The following DESI1 variants were observed in gnomAD, a reference collection of about 807,000 sequenced individuals.
The protein encoded by DESI1 is desumoylating isopeptidase 1.
A neutral mutation model predicts 22.4 loss-of-function variants in DESI1; 17 were observed. That is an observed-to-expected ratio of 0.76 (90% CI 0.52 to 1.14). The LOEUF (loss-of-function observed/expected upper bound fraction) is 1.14, where lower values mean the gene tolerates loss of function less well. DESI1 is among the 50% of genes most tolerant of loss of function. DESI1 has a pLI of 0.00. For synonymous variants in DESI1, 92 were observed against 84.2 expected (o/e 1.09, Z -0.51); for missense variants, 177 against 208.9 (o/e 0.85, Z 0.94).
intron 5 of DESI1, chr22:41,602,588 G>T (rs1032992378): frequency 1.0e-6 from 1 of 985,450 alleles, no homozygotes; most frequent in African/African-American, 1.7e-5. Flanking sequence ...AAATAGACAT[G>T]GTCCTGGAAT....
At position 41,620,863 on chromosome 22, in the gene DESI1, AC is replaced by A; in HGVS notation, c.-25del. 1 of 1,593,208 alleles carries A rather than the reference AC, an allele frequency of 6.3e-7. No individual in the cohort carries two copies. Among genetic ancestry groups the A allele is most frequent in the South Asian group, 1.1e-5 (1 of 88,686 alleles). ...ATTGGGACCCGTGGCGACGGCGGCC[AC>A]GACGGCCCTCGGGCACCCGGCAGCG... On this transcript the variant is annotated 5_prime_UTR_variant, in exon 1 of 6. Transcript: ENST00000263256.
In DESI1 at chr22:41,600,617, A is replaced by G. The variant is rs1477244881; in HGVS notation, c.*480T>C. The G allele has an allele frequency of 6.3e-6, 1 of 159,938 alleles. No individual in the cohort carries two copies. Among genetic ancestry groups the G allele is most frequent in the African/African-American group, 2.4e-5 (1 of 41,458 alleles). 9.9% of individuals were successfully genotyped at this position (159,938 alleles called of 1,614,324 possible). A position where few individuals can be genotyped will look rare whatever the true frequency, so the allele number is the denominator to read the frequency against. On this transcript the variant is annotated 3_prime_UTR_variant, in exon 6 of 6. Coordinates refer to ENST00000263256, the MANE Select transcript of DESI1 (RefSeq NM_015704.3). ...ACTTAGGTTAGGTTAGTCATCCTGA[A>G]ACCGGTCCCATGTACACCAAATCCT...
Position 41,601,113 on chromosome 22 carries a change from G to A in DESI1, c.491C>T (p.Pro164Leu), listed in dbSNP as rs1303680727. The A allele has an allele frequency of 1.9e-6, 3 of 1,613,270 alleles. No individual in the cohort carries two copies. Among genetic ancestry groups the A allele is most frequent in the Non-Finnish European group, 2.5e-6 (3 of 1,179,792 alleles). ...GCAGTCCTGTTAGCTCTGGCCGTTGGGTCTGCCCACGGAGCTCCCTCCTGG... is the reference window on the plus strand; with the variant it reads ...GCAGTCCTGTTAGCTCTGGCCGTTGAGTCTGCCCACGGAGCTCCCTCCTGG... ...QPPGGSSVGR[P>L]NGQS The change falls in exon 6 of 6, where the codon CCC (proline) becomes CTC (leucine). Residue 164 changes from proline to leucine, a missense_variant. Coordinates refer to ENST00000263256, the MANE Select transcript of DESI1 (RefSeq NM_015704.3).
Position 41,603,445 on chromosome 22 carries a change from C to A in DESI1, c.291-64G>T, listed in dbSNP as rs1240688823. 1.9e-6 allele frequency: 3 copies of A among 1,607,866 alleles called. No individual in the cohort carries two copies. In the South Asian group the frequency reaches 3.3e-5, roughly 18 times the overall value. ...CAGCAAGCGTCTATGTGGAATAACTCAAGCTAGGCAGTGGAATGGTGAGCA... is the reference window on the plus strand; with the variant it reads ...CAGCAAGCGTCTATGTGGAATAACTAAAGCTAGGCAGTGGAATGGTGAGCA... On this transcript the variant is annotated intron_variant, in intron 4 of 5. Coordinates refer to ENST00000263256, the MANE Select transcript of DESI1 (RefSeq NM_015704.3).
At chr22:41,615,030 G>C (rs1395621086) in intron 1 of DESI1, among the ~76,000 whole-genome samples, 1 of 151,648 alleles carries the variant, frequency 6.6e-6, no homozygotes, top group Non-Finnish European at 1.5e-5. Flanking sequence ...CACATGCAGT[G>C]GCTCACGCCT....
Position 41,600,963 on chromosome 22 carries a change from T to C in DESI1, c.*134A>G. 2 of 813,266 alleles carry C rather than the reference T, an allele frequency of 2.5e-6. No individual in the cohort carries two copies. Among genetic ancestry groups the C allele is most frequent in the South Asian group, 3.2e-5 (2 of 62,224 alleles). 50.4% of individuals were successfully genotyped at this position (813,266 alleles called of 1,614,324 possible). ...GTCTACATGCGGCCTGACGGTCTCC[T>C]TCCCTGGGAAATTTAAAAAGCCGTC... On this transcript the variant is annotated 3_prime_UTR_variant, in exon 6 of 6. Coordinates refer to ENST00000263256, the MANE Select transcript of DESI1 (RefSeq NM_015704.3).
intron 5 of DESI1, chr22:41,602,100 G>T (rs1056556683): frequency 4.1e-5 from 25 of 607,112 alleles, no homozygotes; most frequent in Admixed American, 6.3e-5. Context: ...GATTTTCCAT[G>T]ATTACGACAA....
intron 4 of DESI1, 28 bp from the exon 5 acceptor site, chr22:41,603,409 A>G (rs2067460652): frequency 1.2e-6 from 2 of 1,614,038 alleles, no homozygotes; most frequent in Non-Finnish European, 8.5e-7. Flanking sequence ...TGCAGAACAT[A>G]TATGAGAAAC....
At chr22:41,601,215 G>A (rs1402356167) in intron 5 of DESI1, 25 bp from the exon 6 acceptor site, 1 of 1,577,312 alleles carries the variant, frequency 6.3e-7, no homozygotes, top group East Asian at 2.3e-5. Context: ...AGACATGAGA[G>A]GGGTGGGCTC....
chr22:41,605,770 A>G (rs527782597), intron 3 of DESI1, among the ~76,000 whole-genome samples: 1 of 152,312 alleles, frequency 6.6e-6, no homozygotes, highest in African/African-American at 2.4e-5. Context: ...TAACCAGTAT[A>G]TAATTATGAG....
At chr22:41,611,813 A>G (rs980449218) in intron 1 of DESI1, among the ~76,000 whole-genome samples, 3 of 151,702 alleles carry the variant, frequency 2.0e-5, no homozygotes, top group Non-Finnish European at 4.4e-5. Flanking sequence ...GGCTGGTCTT[A>G]AACTCCTGAC....
At chr22:41,603,931 G>A in intron 4 of DESI1, 113 bp downstream of exon 4, 1 of 888,394 alleles carries the variant, frequency 1.1e-6, no homozygotes, top group Non-Finnish European at 1.7e-6. Context: ...CAAAAAACTG[G>A]GCCAGGCCTT....
chr22:41,607,972 G>A, intron 1 of DESI1, 111 bp from the exon 2 acceptor site: 1 of 1,225,478 alleles, frequency 8.2e-7, no homozygotes, highest in Admixed American at 2.0e-5. Context: ...TAAACCTCTT[G>A]AGGGACTTTC....
At chr22:41,602,340 A>G in intron 5 of DESI1, 1 of 985,466 alleles carries the variant, frequency 1.0e-6, no homozygotes. Context: ...CCCATAACCT[A>G]GATCCCTCAG....
intron 1 of DESI1, among the ~76,000 whole-genome samples, chr22:41,617,717 A>G (rs999987665): frequency 2.0e-5 from 3 of 152,278 alleles, no homozygotes; most frequent in Non-Finnish European, 4.4e-5. Flanking sequence ...ATTAGCACAC[A>G]AGGTGATTTC....
chr22:41,607,887 C>T, intron 1 of DESI1, 26 bp from the exon 2 acceptor site: 1 of 1,614,012 alleles, frequency 6.2e-7, no homozygotes, highest in Non-Finnish European at 8.5e-7. Flanking sequence ...GAGATTTAGC[C>T]ACTTGGGACT....
chr22:41,598,517 A>G lies in DESI1; in HGVS notation c.*2580T>C, dbSNP rs890938707. 4 of 152,356 alleles carry G rather than the reference A, an allele frequency of 2.6e-5. No individual in the cohort carries two copies. The highest frequency in any genetic ancestry group is 4.8e-5 in the African/African-American group (2 of 41,448). 9.4% of individuals were successfully genotyped at this position (152,356 alleles called of 1,614,324 possible). A position where few individuals can be genotyped will look rare whatever the true frequency, so the allele number is the denominator to read the frequency against. The stretch of plus-strand genomic sequence containing the variant: ...GGCAATGGCACAAATGGCTGCTAGT[A>G]TAAAGGGGGGTGCTGTTCAAGGAAA... On this transcript the variant is annotated 3_prime_UTR_variant, in exon 6 of 6. Coordinates refer to ENST00000263256, the MANE Select transcript of DESI1 (RefSeq NM_015704.3).
rs1340912087 is a variant in DESI1 at position 41,598,101 on chromosome 22, C to G, written c.*2996G>C. On this transcript the variant is annotated 3_prime_UTR_variant, in exon 6 of 6. Transcript: ENST00000263256. ...AACCAGCAAACACCTCCGTACTAGACAGTTATTAGTTTGACTCAAGGGCAT... is the reference window on the plus strand; with the variant it reads ...AACCAGCAAACACCTCCGTACTAGAGAGTTATTAGTTTGACTCAAGGGCAT... The G allele has an allele frequency of 6.6e-6, 1 of 152,162 alleles. No individual in the cohort carries two copies. Among genetic ancestry groups the G allele is most frequent in the African/African-American group, 2.4e-5 (1 of 41,428 alleles). 9.4% of individuals were successfully genotyped at this position (152,162 alleles called of 1,614,324 possible). A position where few individuals can be genotyped will look rare whatever the true frequency, so the allele number is the denominator to read the frequency against.
chr22:41,618,647 T>C (rs572243834), intron 1 of DESI1, among the ~76,000 whole-genome samples: 2 of 151,384 alleles, frequency 1.3e-5, no homozygotes, highest in Admixed American at 6.6e-5. Context: ...TATTAGGTAA[T>C]AGGATAAAAA....
Sources: allele counts gnomAD v4.1 joint callset (sites outside exome capture counted in the v4.1 genomes callset), GRCh38; gene constraint gnomAD v4.1.1; transcripts MANE v1.5; gene names NCBI Gene and HGNC (gene_info 2026-07-23, HGNC 2026-07-21).